TRANK1: variants seen among roughly 807,000 people sequenced by gnomAD.
TRANK1 encodes tetratricopeptide repeat and ankyrin repeat containing 1, also known as TPR and ankyrin repeat-containing protein 1.
TRANK1 carries 198 observed loss-of-function variants against 266.0 expected under a neutral mutation model. That is an observed-to-expected ratio of 0.74 (90% CI 0.66 to 0.84). The LOEUF (loss-of-function observed/expected upper bound fraction) is 0.84, where lower values mean the gene tolerates loss of function less well. TRANK1 is among the 40% of genes least tolerant of loss of function. The pLI, the probability that TRANK1 is intolerant of heterozygous loss-of-function variation, is 0.00. For missense variants in TRANK1, 3,326 were observed against 3,634.6 expected, an observed-to-expected ratio of 0.92 and a Z score of 2.18; for synonymous variants, 1,396 against 1,384.1, an observed-to-expected ratio of 1.01 and a Z score of -0.19.
At chr3:36,877,597 G>T (rs1166359207) in intron 8 of TRANK1, among the ~76,000 whole-genome samples, 1 of 152,142 alleles carries the variant, frequency 6.6e-6, no homozygotes, top group African/African-American at 2.4e-5. Flanking sequence ...AAATGAAACT[G>T]CCATGCAGAT....
chr3:36,913,507 CCTCT>C lies in TRANK1; in HGVS notation c.24-5057_24-5054del, dbSNP rs931949642. ...TCTCTTTCTTTCTCTCCTCTCCTCT[CCTCT>C]CTTTCTTTCTCTCTCTCTTAAAAGT... On this transcript the variant is annotated intron_variant, in intron 1 of 23. Transcript: ENST00000645898. Among the ~76,000 whole-genome samples, 25 of 151,946 alleles carry C rather than the reference CCTCT, an allele frequency of 1.6e-4. No homozygotes were observed. The East Asian group carries it at 3.5e-3, about 21-fold the overall frequency.
At chr3:36,915,972 T>C (rs934112133) in intron 1 of TRANK1, among the ~76,000 whole-genome samples, 1 of 152,142 alleles carries the variant, frequency 6.6e-6, no homozygotes, top group African/African-American at 2.4e-5. Context: ...CTGCAGTAAG[T>C]AGATGATGGA....
At chr3:36,922,151 A>T (rs2080224561) in intron 1 of TRANK1, among the ~76,000 whole-genome samples, 1 of 151,906 alleles carries the variant, frequency 6.6e-6, no homozygotes, top group South Asian at 2.1e-4. Context: ...ATCTCAATAA[A>T]AATAATAATA....
intron 1 of TRANK1, among the ~76,000 whole-genome samples, chr3:36,918,697 T>TAAACA (rs10680555): frequency 0.16 from 23,878 of 151,282 alleles, 2,502 homozygotes; most frequent in East Asian, 0.56. Context: ...AACGCCAATG[T>TAAACA]AAACAAATAT....
At chr3:36,908,815 G>A (rs1559467752) in intron 1 of TRANK1, among the ~76,000 whole-genome samples, 1 of 152,172 alleles carries the variant, frequency 6.6e-6, no homozygotes, top group African/African-American at 2.4e-5. Context: ...ACAGCCCACA[G>A]GAAGGCATTG....
At chr3:36,852,627 G>A (rs1026859728) in intron 13 of TRANK1, among the ~76,000 whole-genome samples, 1 of 151,972 alleles carries the variant, frequency 6.6e-6, no homozygotes, top group Non-Finnish European at 1.5e-5. Flanking sequence ...ACAAAGAAGA[G>A]TCAAGGCAAA....
rs2080003374 is a variant in TRANK1, at chr3:36,908,334, T to C, written c.144A>G (p.Leu48=). Residue 48 remains leucine, a synonymous_variant, in exon 2 of 24, where the codon TTA becomes TTG. Transcript: ENST00000645898. ...YDEAIQILLQ[L]YQWGVPPRDL... ...ATGCAAACACTTACCCCCACTGGTATAACTGCAGGAGAATCTGGATGGCTT... is the reference window on the plus strand; with the variant it reads ...ATGCAAACACTTACCCCCACTGGTACAACTGCAGGAGAATCTGGATGGCTT... The C allele has an allele frequency of 8.1e-7, 1 of 1,232,226 alleles. No homozygotes were observed. The highest frequency in any genetic ancestry group is 1.5e-5 in the African/African-American group (1 of 64,560). 76.3% of individuals were successfully genotyped at this position (1,232,226 alleles called of 1,614,324 possible). A position where few individuals can be genotyped will look rare whatever the true frequency, so the allele number is the denominator to read the frequency against.
At chr3:36,928,970 A>G (rs2080325081) in intron 1 of TRANK1, among the ~76,000 whole-genome samples, 1 of 152,128 alleles carries the variant, frequency 6.6e-6, no homozygotes, top group Middle Eastern at 3.2e-3. Flanking sequence ...GGTTATCTAA[A>G]AGAACACATA....
Position 36,829,672 on chromosome 3 carries a change from C to G in TRANK1, c.8711-10G>C. ...GTCATCGCCTCCTCCGCTTCAGAAA[C>G]CAAAGAACATGGCTCTGAGTAAAGA... On this transcript the variant is annotated splice_polypyrimidine_tract_variant and intron_variant, in intron 22 of 23. Coordinates refer to ENST00000645898, the MANE Select transcript of TRANK1 (RefSeq NM_001329998.2). The G allele has an allele frequency of 6.2e-7, 1 of 1,613,092 alleles. No homozygotes were observed. Among genetic ancestry groups the G allele is most frequent in the Non-Finnish European group, 8.5e-7 (1 of 1,179,824 alleles).
At chr3:36,841,832 T>A (rs559810558) in intron 18 of TRANK1, among the ~76,000 whole-genome samples, 34 of 151,974 alleles carry the variant, frequency 2.2e-4, no homozygotes, top group African/African-American at 8.0e-4. Flanking sequence ...GGAATGAGAC[T>A]GGGCCCATGT....
intron 14 of TRANK1, 81 bp from the exon 15 acceptor site, chr3:36,851,937 T>C (rs532742960): frequency 4.6e-4 from 685 of 1,479,624 alleles, no homozygotes; most frequent in Non-Finnish European, 5.7e-4. Context: ...AGATAGGTAA[T>C]GTTTTTAAAG....
In TRANK1 at chr3:36,921,428, C is replaced by T. The variant is rs554220703; in HGVS notation, c.24-12974G>A. Reference sequence around the variant, plus strand: ...TTCCAGTGCTATTTCCTTGCGGCACCGAAAATTTATTTGTAACATTCTCAC... The same window carrying T: ...TTCCAGTGCTATTTCCTTGCGGCACTGAAAATTTATTTGTAACATTCTCAC... On this transcript the variant is annotated intron_variant, in intron 1 of 23. Transcript: ENST00000645898. Among the ~76,000 whole-genome samples the T allele has an allele frequency of 4.8e-4, 73 of 152,240 alleles. No individual in the cohort carries two copies. The Middle Eastern group carries it at 0.014, about 28-fold the overall frequency.
At chr3:36,944,449 G>A (rs1283106250) in intron 1 of TRANK1, among the ~76,000 whole-genome samples, 3 of 152,222 alleles carry the variant, frequency 2.0e-5, no homozygotes, top group Non-Finnish European at 4.4e-5. Context: ...CCTGTCGGCA[G>A]CCCCCGGGAA....
At chr3:36,892,424 A>G in intron 6 of TRANK1, 84 bp from the exon 7 acceptor site, 2 of 1,472,776 alleles carry the variant, frequency 1.4e-6, no homozygotes, top group South Asian at 2.6e-5. Context: ...TAAAGTATGG[A>G]ATCAGTAAAA....
At chr3:36,893,060 A>G in intron 5 of TRANK1, 76 bp from the exon 6 acceptor site, 1 of 766,430 alleles carries the variant, frequency 1.3e-6, no homozygotes. Context: ...AGTTATTTTA[A>G]GCTTTAAAAC....
At chr3:36,864,055 T>A (rs1037365487) in intron 10 of TRANK1, among the ~76,000 whole-genome samples, 3 of 152,194 alleles carry the variant, frequency 2.0e-5, no homozygotes, top group Non-Finnish European at 4.4e-5. Context: ...TAGTATTTTT[T>A]AAATGACTGT....
intron 8 of TRANK1, among the ~76,000 whole-genome samples, chr3:36,883,026 C>T (rs1009241582): frequency 6.6e-6 from 1 of 152,058 alleles, no homozygotes; most frequent in Non-Finnish European, 1.5e-5. Context: ...CATACATTGT[C>T]GGTGGTAACG....
At chr3:36,876,285 G>A (rs1338541479) in intron 8 of TRANK1, among the ~76,000 whole-genome samples, 1 of 152,218 alleles carries the variant, frequency 6.6e-6, no homozygotes, top group Non-Finnish European at 1.5e-5. Flanking sequence ...AGGTCCAGGG[G>A]CTAACACTTA....
chr3:36,945,711 T>A (rs890172755), upstream of TRANK1, among the ~76,000 whole-genome samples: 2 of 152,198 alleles, frequency 1.3e-5, no homozygotes, highest in South Asian at 4.1e-4. Flanking sequence ...GGAGCCGGTT[T>A]GGTCTTCACA....
Sources: allele counts gnomAD v4.1 joint callset (sites outside exome capture counted in the v4.1 genomes callset), GRCh38; gene constraint gnomAD v4.1.1; transcripts MANE v1.5; gene names NCBI Gene and HGNC (gene_info 2026-07-23, HGNC 2026-07-21).